Variants in RANGAP1 observed in about 807,000 individuals in gnomAD.
The protein encoded by RANGAP1 is ran GTPase-activating protein 1.
Under a neutral mutation model 63.5 loss-of-function variants are expected in RANGAP1, and 38 were observed. The observed-to-expected ratio is 0.60, with a 90% CI of 0.46 to 0.78. The LOEUF (loss-of-function observed/expected upper bound fraction) is 0.78. Ranked by LOEUF, RANGAP1 falls within the 30% of genes least tolerant of loss-of-function variation. The probability of loss-of-function intolerance (pLI) is 0.00; values close to 1 mark genes in which losing one functional copy is unlikely to be tolerated. For synonymous variants in RANGAP1, 329 were observed against 310.5 expected (o/e 1.06, Z -0.63); for missense variants, 630 against 740.3 (o/e 0.85, Z 1.73).
intron 5 of RANGAP1, among the ~76,000 whole-genome samples, chr22:41,264,231 C>T (rs1326132977): frequency 6.6e-6 from 1 of 152,196 alleles, no homozygotes; most frequent in African/African-American, 2.4e-5. Flanking sequence ...CTGACCTTGC[C>T]TGAGGACACC....
intron 1 of RANGAP1, chr22:41,285,701 C>A: frequency 1.2e-5 from 12 of 984,136 alleles, no homozygotes; most frequent in Non-Finnish European, 1.4e-5. Flanking sequence ...GCACCGCCTC[C>A]GGTTGACAAC....
chr22:41,259,916 G>A (rs1638558047), intron 6 of RANGAP1, among the ~76,000 whole-genome samples: 1 of 152,130 alleles, frequency 6.6e-6, no homozygotes, highest in Non-Finnish European at 1.5e-5. Flanking sequence ...TGAGGTGGGA[G>A]GATCACTTGA....
Position 41,254,388 on chromosome 22 carries a change from C to T in RANGAP1, c.1180G>A (p.Glu394Lys), listed in dbSNP as rs779021375. ...CCTCGCTGCTGAGGCTCTTCTTCCT[C>T]CTCCTCCTCCTCTTCTTCCTCCTCT... ...EEEEEEEEEE[E>K]EEEPQQRGQG... The change falls in exon 11 of 16, where the codon GAG becomes AAG. Residue 394 changes from glutamate (E) to lysine (K), a missense_variant. By Grantham distance (56) the Glu-to-Lys change is moderately conservative. This residue lies in a region of RANGAP1 where 428 missense variants were observed against 465.5 expected (regional missense o/e 0.92). Coordinates refer to ENST00000356244, the MANE Select transcript of RANGAP1 (RefSeq NM_002883.4). 7 of 1,613,764 alleles carry T rather than the reference C, an allele frequency of 4.3e-6. No individual in the cohort carries two copies. The African/African-American group carries it at 6.7e-5, about 15-fold the overall frequency.
At chr22:41,254,515 A>G (rs1165160061) in intron 10 of RANGAP1, 21 bp from the exon 11 acceptor site, 1 of 1,565,732 alleles carries the variant, frequency 6.4e-7, no homozygotes, top group South Asian at 1.2e-5. Flanking sequence ...AGCTGGCTGA[A>G]GCAGATCCTC....
At chr22:41,286,486 C>A (rs1206242026), upstream of RANGAP1, among the ~76,000 whole-genome samples, 1 of 152,236 alleles carries the variant, frequency 6.6e-6, no homozygotes, top group African/African-American at 2.4e-5. Flanking sequence ...ACTACAATTC[C>A]CAGAATGCGT....
chr22:41,250,069 G>A (rs1488791059), intron 13 of RANGAP1, among the ~76,000 whole-genome samples: 6 of 152,260 alleles, frequency 3.9e-5, no homozygotes, highest in Admixed American at 3.9e-4. Context: ...GGTATAAAAT[G>A]GGCATGGGGA....
intron 2 of RANGAP1, among the ~76,000 whole-genome samples, chr22:41,278,577 A>C (rs2035294826): frequency 1.3e-5 from 2 of 152,244 alleles, no homozygotes; most frequent in Admixed American, 6.5e-5. Flanking sequence ...CTCAATGTCT[A>C]ATTAGAAGCA....
At chr22:41,247,056 T>C (rs1228250349) in intron 15 of RANGAP1, among the ~76,000 whole-genome samples, 1 of 151,992 alleles carries the variant, frequency 6.6e-6, no homozygotes, top group Non-Finnish European at 1.5e-5. Flanking sequence ...TTTTTCTTTT[T>C]CTTTTTCTTT....
chr22:41,258,176 T>C (rs2033958377), intron 6 of RANGAP1, 70 bp from the exon 7 acceptor site: 1 of 1,507,622 alleles, frequency 6.6e-7, no homozygotes, highest in Non-Finnish European at 9.0e-7. Context: ...AGGAGAGCAA[T>C]TCCACACAGC....
intron 5 of RANGAP1, among the ~76,000 whole-genome samples, chr22:41,262,883 G>T (rs1411715593): frequency 6.6e-6 from 1 of 152,142 alleles, no homozygotes; most frequent in Non-Finnish European, 1.5e-5. Flanking sequence ...ACTCCTCTGG[G>T]CCCTTCTATT....
At chr22:41,271,783 C>T (rs150680528) in intron 3 of RANGAP1, among the ~76,000 whole-genome samples, 2 of 152,298 alleles carry the variant, frequency 1.3e-5, no homozygotes, top group African/African-American at 2.4e-5. Context: ...TTCTCTCGCC[C>T]GTCAAGACCT....
rs970974718 is a variant in RANGAP1 at position 41,253,068 on chromosome 22, C to T, written c.1261-77G>A. ...CGACACAGCTGTGCCCATCCCCACA[C>T]CCAGCACATCCACCCTTCACTCCAG... On this transcript the variant is annotated intron_variant, in intron 11 of 15. Coordinates refer to ENST00000356244, the MANE Select transcript of RANGAP1 (RefSeq NM_002883.4). 3.8e-6 allele frequency: 5 copies of T among 1,307,018 alleles called. No individual in the cohort carries two copies. The African/African-American group carries it at 7.8e-5, about 20-fold the overall frequency. The allele number at this position is 1,307,018 out of a possible 1,614,324, so 81.0% of individuals were successfully genotyped here.
chr22:41,274,576 G>C (rs1220708749), intron 3 of RANGAP1, 24 bp downstream of exon 3: 1 of 1,613,490 alleles, frequency 6.2e-7, no homozygotes, highest in Non-Finnish European at 8.5e-7. Flanking sequence ...ACCAGCCTGG[G>C]CCTACTCGCC....
At chr22:41,266,774 T>A (rs1344342222) in intron 4 of RANGAP1, among the ~76,000 whole-genome samples, 1 of 152,160 alleles carries the variant, frequency 6.6e-6, no homozygotes, top group Non-Finnish European at 1.5e-5. Context: ...CCTCAGGTGA[T>A]CCACGTGCAC....
chr22:41,268,181 T>C lies in RANGAP1; in HGVS notation c.241-25A>G, dbSNP rs560795165. 2.7e-5 allele frequency: 41 copies of C among 1,522,926 alleles called. No individual in the cohort carries two copies. In the South Asian group the frequency reaches 4.3e-4, roughly 16 times the overall value. The allele number at this position is 1,522,926 out of a possible 1,614,324, so 94.3% of individuals were successfully genotyped here. On this transcript the variant is annotated intron_variant, in intron 3 of 15. Transcript: ENST00000356244. ...GCTGCAACGGAAAGAAGAGAAGAGT[T>C]AGCGGGAGAGAGACCCCTGGAGGCC...
At chr22:41,287,447 T>A (rs1039645362), upstream of RANGAP1, among the ~76,000 whole-genome samples, 1 of 151,442 alleles carries the variant, frequency 6.6e-6, no homozygotes, top group Non-Finnish European at 1.5e-5. Context: ...GTGTTGGGAT[T>A]ATAGGCGAGA....
chr22:41,301,515 G>C, the RANGAP1 span: 2 of 152,142 alleles, frequency 1.3e-5, no homozygotes, highest in Non-Finnish European at 2.9e-5. Flanking sequence ...CGAGGAGGAA[G>C]AGCTGCAGGG....
At chr22:41,270,623 T>A (rs1359754407) in intron 3 of RANGAP1, among the ~76,000 whole-genome samples, 1 of 152,064 alleles carries the variant, frequency 6.6e-6, no homozygotes, top group African/African-American at 2.4e-5. Context: ...AATTTTTGTA[T>A]CTTTTGTAGA....
Position 41,258,064 on chromosome 22 carries a change from T to C in RANGAP1, c.658A>G (p.Ile220Val), listed in dbSNP as rs1601619725. 5.6e-6 allele frequency: 9 copies of C among 1,613,206 alleles called. No individual in the cohort carries two copies. The East Asian group carries it at 1.8e-4, about 32-fold the overall frequency. Residue 220 changes from isoleucine (I) to valine (V), a missense_variant, in exon 7 of 16, where the codon ATC (isoleucine) becomes GTC (valine). Ile to Val is a conservative substitution (Grantham distance 29). Coordinates refer to ENST00000356244, the MANE Select transcript of RANGAP1 (RefSeq NM_002883.4). ...LEEVHMPQNG[I>V]NHPGITALAQ... The stretch of plus-strand genomic sequence containing the variant: ...AGGGCAGTGATGCCAGGGTGGTTGA[T>C]CCCATTCTGTGGCATGTGGACCTCC...
Sources: allele counts gnomAD v4.1 joint callset (sites outside exome capture counted in the v4.1 genomes callset), GRCh38; gene constraint gnomAD v4.1.1; regional missense constraint gnomAD v4.1.1; transcripts MANE v1.5; gene names NCBI Gene and HGNC (gene_info 2026-07-23, HGNC 2026-07-21).